The following PHTF2 variants were observed in gnomAD, a reference collection of about 807,000 sequenced individuals.
The protein encoded by PHTF2 is putative homeodomain transcription factor 2, also known as protein PHTF2.
Under a neutral mutation model 101.2 loss-of-function variants are expected in PHTF2, and 60 were observed. The observed-to-expected ratio is 0.59, with a 90% CI of 0.48 to 0.73. The LOEUF is 0.73. PHTF2 is among the 30% of genes least tolerant of loss of function. PHTF2 has a pLI of 0.00. For missense variants in PHTF2, 747 were observed against 908.7 expected (o/e 0.82, Z 2.29); for synonymous variants, 311 against 307.3 (o/e 1.01, Z -0.13).
At chr7:77,820,575 G>T (rs568210314) in intron 1 of PHTF2, among the ~76,000 whole-genome samples, 160 of 151,902 alleles carry the variant, frequency 1.1e-3, no homozygotes, top group African/African-American at 3.6e-3. Context: ...ATAGAGTTTT[G>T]CTTTGTTGCC....
At chr7:77,801,257 A>G (rs1792526170) in intron 1 of PHTF2, among the ~76,000 whole-genome samples, 1 of 152,224 alleles carries the variant, frequency 6.6e-6, no homozygotes, top group Non-Finnish European at 1.5e-5. Flanking sequence ...TTTGAGTGCC[A>G]AGATGATGCC....
At chr7:77,885,696 C>T (rs1038288916) in intron 3 of PHTF2, among the ~76,000 whole-genome samples, 4 of 152,112 alleles carry the variant, frequency 2.6e-5, no homozygotes, top group African/African-American at 9.7e-5. Flanking sequence ...CTGCCTGCCT[C>T]GGCCTCCCAA....
chr7:77,920,842 C>G (rs1157837221), intron 10 of PHTF2, among the ~76,000 whole-genome samples: 1 of 152,016 alleles, frequency 6.6e-6, no homozygotes, highest in African/African-American at 2.4e-5. Context: ...CCACCATGCC[C>G]GGCTAATTTT....
At chr7:77,902,761 T>G (rs1200120276) in intron 7 of PHTF2, among the ~76,000 whole-genome samples, 1 of 152,128 alleles carries the variant, frequency 6.6e-6, no homozygotes, top group African/African-American at 2.4e-5. Context: ...ATTATTTAAA[T>G]TTGTTTTATC....
intron 7 of PHTF2, among the ~76,000 whole-genome samples, chr7:77,906,658 T>C (rs1801886979): frequency 6.6e-6 from 1 of 152,226 alleles, no homozygotes; most frequent in Non-Finnish European, 1.5e-5. Context: ...CTCCTTTGTG[T>C]CTGAAACTCT....
intron 3 of PHTF2, among the ~76,000 whole-genome samples, chr7:77,858,717 G>A (rs1797378626): frequency 6.6e-6 from 1 of 151,520 alleles, no homozygotes; most frequent in African/African-American, 2.4e-5. Flanking sequence ...ACAATGACAG[G>A]AATGATGATG....
intron 1 of PHTF2, among the ~76,000 whole-genome samples, chr7:77,831,969 AG>A (rs1795110588): frequency 6.6e-6 from 1 of 152,190 alleles, no homozygotes; most frequent in Non-Finnish European, 1.5e-5. Flanking sequence ...TATATGCAGA[AG>A]TAAGATGGCT....
chr7:77,938,585 G>A (rs1805361007), intron 13 of PHTF2, among the ~76,000 whole-genome samples: 1 of 149,256 alleles, frequency 6.7e-6, no homozygotes, highest in Non-Finnish European at 1.5e-5. Context: ...AAAAAAATTA[G>A]CCAGGCGTGG....
chr7:77,883,223 A>G (rs996841184), intron 3 of PHTF2, among the ~76,000 whole-genome samples: 1 of 152,168 alleles, frequency 6.6e-6, no homozygotes, highest in East Asian at 1.9e-4. Flanking sequence ...TAGAAGTCTT[A>G]AAGAATGTCA....
Position 77,917,321 on chromosome 7 carries a change from T to C in PHTF2, c.777-2958T>C, listed in dbSNP as rs892345042. 4.8e-4 allele frequency among the ~76,000 whole-genome samples: 73 copies of C among 152,276 alleles called. 1 individual carries two copies. The highest frequency in any genetic ancestry group is 4.1e-4 in the South Asian group (2 of 4,826). On this transcript the variant is annotated intron_variant, in intron 9 of 19. Coordinates refer to ENST00000416283, the Ensembl canonical transcript of PHTF2. Reference sequence around the variant, plus strand: ...CTCTGTCCCAGCCTAGAATCAACTATTGTTTCAAGAAGAGTAGTATATAGA... The same window carrying C: ...CTCTGTCCCAGCCTAGAATCAACTACTGTTTCAAGAAGAGTAGTATATAGA...
At chr7:77,931,534 A>G (rs535844949) in intron 12 of PHTF2, among the ~76,000 whole-genome samples, 4 of 152,340 alleles carry the variant, frequency 2.6e-5, no homozygotes, top group South Asian at 4.1e-4. Flanking sequence ...ATACTACTTA[A>G]TATTGATCAA....
At chr7:77,800,434 G>A (rs1584324990) in intron 1 of PHTF2, among the ~76,000 whole-genome samples, 1 of 152,314 alleles carries the variant, frequency 6.6e-6, no homozygotes, top group South Asian at 2.1e-4. Context: ...AGGTGTTAGT[G>A]AGGTGGAGAG....
chr7:77,951,242 C>T lies in PHTF2; in HGVS notation c.2116-375C>T, dbSNP rs566607319. 4.1e-4 allele frequency among the ~76,000 whole-genome samples: 62 copies of T among 152,170 alleles called. 1 individual carries two copies. In the South Asian group the frequency reaches 0.013, roughly 31 times the overall value. ...TCACTTGAATCCAGGATTTCAATAC[C>T]AGCCTGGGCAACATAGCAAGACCCC... On this transcript the variant is annotated intron_variant, in intron 17 of 19. Coordinates refer to ENST00000416283, the Ensembl canonical transcript of PHTF2.
At chr7:77,917,481 A>G (rs1421723268) in intron 9 of PHTF2, among the ~76,000 whole-genome samples, 1 of 152,216 alleles carries the variant, frequency 6.6e-6, no homozygotes, top group Non-Finnish European at 1.5e-5. Flanking sequence ...ATCCAGGTAT[A>G]TTATACACCA....
intron 2 of PHTF2, among the ~76,000 whole-genome samples, chr7:77,846,585 TCGCC>T (rs1796308851): frequency 6.5e-5 from 2 of 30,568 alleles, no homozygotes; most frequent in Non-Finnish European, 1.2e-4. Flanking sequence ...TCGCCTCCCC[TCGCC>T]TCCCCTCGCC....
intron 7 of PHTF2, among the ~76,000 whole-genome samples, chr7:77,903,228 A>C (rs1242377798): frequency 6.6e-6 from 1 of 152,110 alleles, no homozygotes; most frequent in Non-Finnish European, 1.5e-5. Flanking sequence ...TGAAGTGATC[A>C]TATTTGCTTA....
At chr7:77,943,018 C>T (rs1043068701) in intron 16 of PHTF2, among the ~76,000 whole-genome samples, 1 of 152,202 alleles carries the variant, frequency 6.6e-6, no homozygotes, top group African/African-American at 2.4e-5. Flanking sequence ...TAATTTTTGC[C>T]TAGAATCCTT....
intron 16 of PHTF2, among the ~76,000 whole-genome samples, chr7:77,943,145 G>A (rs915946151): frequency 3.3e-5 from 5 of 151,420 alleles, no homozygotes; most frequent in African/African-American, 7.3e-5. Context: ...TTTTTGAGAT[G>A]GAGTCTCGCT....
chr7:77,834,268 G>C (rs994030562), intron 1 of PHTF2, among the ~76,000 whole-genome samples: 2 of 145,144 alleles, frequency 1.4e-5, no homozygotes, highest in Non-Finnish European at 3.0e-5. Flanking sequence ...AGCCCTGATC[G>C]TGCCACTGCA....
Sources: gnomAD v4.1 joint callset for allele counts (sites outside exome capture counted in the v4.1 genomes callset) on GRCh38, gnomAD v4.1.1 for gene constraint, MANE v1.5 for transcripts, NCBI Gene and HGNC (gene_info 2026-07-23, HGNC 2026-07-21) for gene names.